Variants in KCNMA1 observed in about 807,000 individuals in gnomAD.
KCNMA1 encodes the protein potassium calcium-activated channel subfamily M alpha 1.
A neutral mutation model predicts 140.0 loss-of-function variants in KCNMA1; 29 were observed. The observed-to-expected ratio is 0.21, with a 90% CI of 0.15 to 0.28. The LOEUF (loss-of-function observed/expected upper bound fraction) is 0.28, where lower values mean the gene tolerates loss of function less well. Ranked by LOEUF, KCNMA1 falls within the 10% of genes least tolerant of loss-of-function variation. The pLI, the probability that KCNMA1 is intolerant of heterozygous loss-of-function variation, is 1.00. For synonymous variants in KCNMA1, 612 were observed against 611.9 expected (o/e 1.00, Z 0.00); for missense variants, 880 against 1,602.2 (o/e 0.55, Z 7.70).
intron 1 of KCNMA1, among the ~76,000 whole-genome samples, chr10:77,600,539 G>A (rs1289039048): frequency 3.9e-5 from 6 of 152,042 alleles, no homozygotes; most frequent in African/African-American, 9.7e-5. Flanking sequence ...ACCTGAGGTC[G>A]GCAGTTTGAG....
chr10:76,953,677 C>G lies in KCNMA1; in HGVS notation c.2484+124G>C, dbSNP rs1591793955. 3.5e-6 allele frequency: 4 copies of G among 1,150,478 alleles called. No homozygotes were observed. In the Admixed American group the frequency reaches 6.9e-5, roughly 20 times the overall value. 71.3% of individuals were successfully genotyped at this position (1,150,478 alleles called of 1,614,324 possible). On this transcript the variant is annotated intron_variant, in intron 21 of 27. Coordinates refer to ENST00000286628, the MANE Select transcript of KCNMA1 (RefSeq NM_001161352.2). ...GCTTCAATCTATGCTCAGAATTTCA[C>G]TCATCAAAAATAATTAGGACCAGGG...
At chr10:76,890,926 T>C (rs941683575) in intron 26 of KCNMA1, among the ~76,000 whole-genome samples, 2 of 152,168 alleles carry the variant, frequency 1.3e-5, no homozygotes, top group African/African-American at 4.8e-5. Flanking sequence ...AAGATTCGGT[T>C]TGTTTGGCCG....
intron 1 of KCNMA1, among the ~76,000 whole-genome samples, chr10:77,504,865 C>T (rs555365716): frequency 1.3e-5 from 2 of 152,126 alleles, no homozygotes; most frequent in South Asian, 2.1e-4. Context: ...ATATTCATTC[C>T]CAAACCTTCA....
chr10:76,898,847 A>G lies in KCNMA1; in HGVS notation c.3148-7128T>C, dbSNP rs936983955. Among the ~76,000 whole-genome samples the G allele has an allele frequency of 2.8e-4, 43 of 152,130 alleles. 1 individual carries two copies. In the Middle Eastern group the frequency reaches 0.014, roughly 48 times the overall value. ...AATAAGTAAAATTAAGTATTAAAAG[A>G]ATTCTTTTTTTAAAAAAAAGCAGGA... On this transcript the variant is annotated intron_variant, in intron 25 of 27. Coordinates refer to ENST00000286628, the MANE Select transcript of KCNMA1 (RefSeq NM_001161352.2).
intron 2 of KCNMA1, among the ~76,000 whole-genome samples, chr10:77,330,399 A>C (rs1230951947): frequency 6.6e-6 from 1 of 152,190 alleles, no homozygotes; most frequent in Non-Finnish European, 1.5e-5. Flanking sequence ...CAAGCTGTGC[A>C]GATCACCAAG....
chr10:77,319,265 C>A (rs1205105551), intron 2 of KCNMA1, among the ~76,000 whole-genome samples: 1 of 152,130 alleles, frequency 6.6e-6, no homozygotes, highest in Non-Finnish European at 1.5e-5. Flanking sequence ...CATCCCACCC[C>A]ATCACCACCC....
chr10:77,519,256 A>C (rs9943410), intron 1 of KCNMA1, among the ~76,000 whole-genome samples: 58 of 152,332 alleles, frequency 3.8e-4, no homozygotes, highest in African/African-American at 1.3e-3. Flanking sequence ...ATCACCCCCG[A>C]GTTGCTTTAG....
At chr10:77,146,724 A>T (rs969486886) in intron 5 of KCNMA1, among the ~76,000 whole-genome samples, 3 of 142,218 alleles carry the variant, frequency 2.1e-5, no homozygotes, top group African/African-American at 5.3e-5. Context: ...AAAAAAAAAA[A>T]AAAAAAGAAA....
At chr10:77,420,454 C>A (rs1322154606) in intron 1 of KCNMA1, among the ~76,000 whole-genome samples, 3 of 152,236 alleles carry the variant, frequency 2.0e-5, no homozygotes, top group Non-Finnish European at 4.4e-5. Flanking sequence ...GTAGAGCTAA[C>A]GTCTCCAGGG....
chr10:76,870,032 G>C (rs2030926251), exon 28 of KCNMA1: 1 of 152,648 alleles, frequency 6.6e-6, no homozygotes, highest in Non-Finnish European at 1.5e-5. Flanking sequence ...TGCCACCTGG[G>C]AATGCAACGT....
intron 5 of KCNMA1, among the ~76,000 whole-genome samples, chr10:77,178,567 T>C (rs2098774299): frequency 6.6e-6 from 1 of 151,980 alleles, no homozygotes; most frequent in Non-Finnish European, 1.5e-5. Flanking sequence ...TAGCTGGGTG[T>C]GGTGGCAAGT....
intron 1 of KCNMA1, chr10:77,493,706 A>C (rs557877476): frequency 6.6e-6 from 1 of 152,384 alleles, no homozygotes; most frequent in Non-Finnish European, 1.5e-5. Context: ...TGCAGGGAAG[A>C]GAGCATCTCT....
chr10:77,557,345 G>A (rs139156603), intron 1 of KCNMA1, among the ~76,000 whole-genome samples: 6 of 152,288 alleles, frequency 3.9e-5, no homozygotes, highest in African/African-American at 7.2e-5. Flanking sequence ...TATCCAGGGC[G>A]TGCCCTGGGC....
At chr10:77,604,828 C>T (rs1302915822) in intron 1 of KCNMA1, among the ~76,000 whole-genome samples, 4 of 152,182 alleles carry the variant, frequency 2.6e-5, no homozygotes, top group South Asian at 2.1e-4. Context: ...ACAACACATC[C>T]GTCTGAGGTC....
intron 1 of KCNMA1, among the ~76,000 whole-genome samples, chr10:77,514,014 T>A (rs1300076280): frequency 2.0e-5 from 3 of 152,252 alleles, no homozygotes; most frequent in Non-Finnish European, 4.4e-5. Context: ...TCACTCCCAG[T>A]GCCAGCACAG....
rs68133946 is a variant in KCNMA1, at chr10:77,079,369, A to AGT, written c.1593+110_1593+111dup. On this transcript the variant is annotated intron_variant, in intron 13 of 27. Coordinates refer to ENST00000286628, the MANE Select transcript of KCNMA1 (RefSeq NM_001161352.2). ...AGTTGCGCACATGTGGGCATGTGAG[A>AGT]GTGTGTGTGTGTGTGTGTGTGTGTG... The AGT allele has an allele frequency of 0.16, 98,753 of 636,206 alleles. 1,876 individuals are homozygous for AGT. Among genetic ancestry groups the AGT allele is most frequent in the East Asian group, 0.33 (11,486 of 34,980 alleles). The allele number at this position is 636,206 out of a possible 1,614,324, so 39.4% of individuals were successfully genotyped here. A position where few individuals can be genotyped will look rare whatever the true frequency, so the allele number is the denominator to read the frequency against.
chr10:76,972,858 C>T (rs2076444917), intron 19 of KCNMA1, among the ~76,000 whole-genome samples: 1 of 152,154 alleles, frequency 6.6e-6, no homozygotes, highest in South Asian at 2.1e-4. Flanking sequence ...TAACTTCTTT[C>T]TCATAAGTAG....
At chr10:77,381,354 T>C (rs1191262280) in intron 2 of KCNMA1, among the ~76,000 whole-genome samples, 3 of 152,108 alleles carry the variant, frequency 2.0e-5, no homozygotes, top group East Asian at 1.9e-4. Flanking sequence ...ATGGGGATAA[T>C]TTAAAATAGG....
intron 18 of KCNMA1, among the ~76,000 whole-genome samples, chr10:77,006,849 G>A (rs1388536982): frequency 6.6e-6 from 1 of 152,214 alleles, no homozygotes; most frequent in Non-Finnish European, 1.5e-5. Context: ...AAAGGGTTCT[G>A]TCGATGAAGA....
Sources: gnomAD v4.1 joint callset for allele counts (sites outside exome capture counted in the v4.1 genomes callset) on GRCh38, gnomAD v4.1.1 for gene constraint, MANE v1.5 for transcripts, NCBI Gene and HGNC (gene_info 2026-07-23, HGNC 2026-07-21) for gene names.